Variants in ZC3H12B observed in about 807,000 individuals in gnomAD.
The protein encoded by ZC3H12B is probable ribonuclease ZC3H12B.
A neutral mutation model predicts 43.9 loss-of-function variants in ZC3H12B; 7 were observed. The ratio of observed to expected loss-of-function variants is 0.16; its 90% CI spans 0.09 to 0.30. ZC3H12B has a LOEUF of 0.30. ZC3H12B is among the 10% of genes least tolerant of loss of function. ZC3H12B has a pLI of 1.00. For missense variants in ZC3H12B, 475 were observed against 670.2 expected (o/e 0.71, Z 3.22); for synonymous variants, 222 against 241.7 (o/e 0.92, Z 0.76).
At position 65,369,537 on chromosome X, in the gene ZC3H12B, G is replaced by C. The variant is rs758558505; in HGVS notation, n.295+539G>C. ...TATCATTTCATGCTTTTCTTATGAA[G>C]AATTCTACCTCTACTTCATTGTGCC... On this transcript the variant is annotated intron_variant and non_coding_transcript_variant, in intron 2 of 5. Coordinates refer to the ZC3H12B transcript ENST00000617377. Among the ~76,000 whole-genome samples the C allele has an allele frequency of 2.9e-4, 32 of 111,564 alleles. No individual in the cohort carries two copies. In the South Asian group the frequency reaches 0.012, roughly 40 times the overall value.
At chrX:65,484,877 C>T (rs894403443), upstream of ZC3H12B, among the ~76,000 whole-genome samples, 10 of 111,603 alleles carry the variant, frequency 9.0e-5, no homozygotes, top group Admixed American at 1.9e-4. Context: ...CCTATGCAAA[C>T]GCAAGCTGAA....
intron 3 of ZC3H12B, among the ~76,000 whole-genome samples, chrX:65,448,855 A>T (rs1384042847): frequency 1.0e-5 from 1 of 99,980 alleles, no homozygotes; most frequent in Non-Finnish European, 2.0e-5. Context: ...GAGGAAGGAA[A>T]GAAGGGAGGA....
At chrX:65,378,740 G>A (rs2148002101) in intron 2 of ZC3H12B, among the ~76,000 whole-genome samples, 1 of 112,624 alleles carries the variant, frequency 8.9e-6, no homozygotes, top group East Asian at 2.8e-4. Context: ...GCACAGGTCA[G>A]TTGGTGCATG....
chrX:65,351,186 A>T, the ZC3H12B span, among the ~76,000 whole-genome samples: 3 of 111,762 alleles, frequency 2.7e-5, no homozygotes, highest in Non-Finnish European at 5.6e-5. Context: ...CAACAATCTG[A>T]TCTTTGACAA....
At chrX:65,357,454 G>A in the ZC3H12B span, 1 of 137,046 alleles carries the variant, frequency 7.3e-6, no homozygotes, top group Non-Finnish European at 1.4e-5. Flanking sequence ...TCCAGCACTG[G>A]CAGCTCGGCT....
chrX:65,334,100 C>T, the ZC3H12B span, among the ~76,000 whole-genome samples: 1 of 111,849 alleles, frequency 8.9e-6, no homozygotes, highest in East Asian at 2.8e-4. Flanking sequence ...TTAATAAAAC[C>T]TTATAGACAA....
the ZC3H12B span, among the ~76,000 whole-genome samples, chrX:65,300,179 G>A: frequency 3.6e-5 from 4 of 112,237 alleles, no homozygotes; most frequent in Non-Finnish European, 3.8e-5. Flanking sequence ...GGTGAATGGG[G>A]CATGCAGATA....
the ZC3H12B span, among the ~76,000 whole-genome samples, chrX:65,137,049 A>T: frequency 8.9e-6 from 1 of 112,182 alleles, no homozygotes; most frequent in East Asian, 2.8e-4. Context: ...ATTTAATAAA[A>T]CAACTTTACA....
At chrX:65,193,840 A>T in the ZC3H12B span, among the ~76,000 whole-genome samples, 2 of 111,544 alleles carry the variant, frequency 1.8e-5, no homozygotes, top group Non-Finnish European at 3.8e-5. Context: ...CTGTAGATAA[A>T]TACCTGAGAA....
chrX:65,306,173 A>G, the ZC3H12B span, among the ~76,000 whole-genome samples: 33 of 112,236 alleles, frequency 2.9e-4, no homozygotes, highest in African/African-American at 1.0e-3. Context: ...ATCCGTCAAT[A>G]GAAATGAACT....
At chrX:65,362,689 A>G (rs756539679), upstream of ZC3H12B, among the ~76,000 whole-genome samples, 1 of 110,734 alleles carries the variant, frequency 9.0e-6, no homozygotes, top group South Asian at 3.9e-4. Context: ...CTCAACACCA[A>G]TATCCCATCC....
the ZC3H12B span, among the ~76,000 whole-genome samples, chrX:65,161,713 T>C: frequency 1.3e-4 from 15 of 112,312 alleles, no homozygotes; most frequent in African/African-American, 4.8e-4. Context: ...TGACTCTTTA[T>C]CCAATTTGCC....
the ZC3H12B span, among the ~76,000 whole-genome samples, chrX:65,335,786 G>A: frequency 9.0e-6 from 1 of 111,642 alleles, no homozygotes; most frequent in Non-Finnish European, 1.9e-5. Flanking sequence ...GCTCGAGATA[G>A]TTTTTAGGGC....
chrX:65,075,444 G>A, the ZC3H12B span, among the ~76,000 whole-genome samples: 2 of 112,352 alleles, frequency 1.8e-5, no homozygotes, highest in Non-Finnish European at 3.8e-5. Flanking sequence ...TGGAATAGCA[G>A]CAAATCACTT....
chrX:65,211,719 T>C, the ZC3H12B span, among the ~76,000 whole-genome samples: 4 of 87,385 alleles, frequency 4.6e-5, no homozygotes, highest in Non-Finnish European at 6.4e-5. Context: ...ATATATTATA[T>C]ATTTTTATGT....
At chrX:65,078,761 T>C in the ZC3H12B span, among the ~76,000 whole-genome samples, 1 of 111,417 alleles carries the variant, frequency 9.0e-6, no homozygotes, top group South Asian at 3.8e-4. Flanking sequence ...ATAGTAGGTG[T>C]ATATAGTAAT....
chrX:65,422,847 C>T (rs185898210), intron 3 of ZC3H12B, among the ~76,000 whole-genome samples: 126 of 108,096 alleles, frequency 1.2e-3, no homozygotes, highest in African/African-American at 4.1e-3. Flanking sequence ...ATCCATGTCA[C>T]TGAAAAAACA....
At chrX:65,148,204 G>T in the ZC3H12B span, among the ~76,000 whole-genome samples, 2 of 110,935 alleles carry the variant, frequency 1.8e-5, no homozygotes, top group African/African-American at 6.6e-5. Context: ...GCTAAGGTGG[G>T]CCTGAAGTGT....
chrX:65,226,708 C>CA, the ZC3H12B span, among the ~76,000 whole-genome samples: 1 of 110,162 alleles, frequency 9.1e-6, no homozygotes, highest in Non-Finnish European at 1.9e-5. Flanking sequence ...AAATGGAAAA[C>CA]AAAAAAAGGC....
Sources: gnomAD v4.1 joint callset for allele counts (sites outside exome capture counted in the v4.1 genomes callset) on GRCh38, gnomAD v4.1.1 for gene constraint, MANE v1.5 for transcripts, NCBI Gene and HGNC (gene_info 2026-07-23, HGNC 2026-07-21) for gene names.